IFT27: variants seen among roughly 807,000 people sequenced by gnomAD.
IFT27 encodes intraflagellar transport protein 27 homolog.
Under a neutral mutation model 23.9 loss-of-function variants are expected in IFT27, and 19 were observed. The observed-to-expected ratio is 0.79, with a 90% CI of 0.55 to 1.16. The LOEUF (loss-of-function observed/expected upper bound fraction) is 1.16, where lower values mean the gene tolerates loss of function less well. IFT27 is among the 50% of genes most tolerant of loss of function. The probability of loss-of-function intolerance (pLI) is 0.00; values close to 1 mark genes in which losing one functional copy is unlikely to be tolerated. For synonymous variants in IFT27, 91 were observed against 89.1 expected, an observed-to-expected ratio of 1.02 and a Z score of -0.12; for missense variants, 206 against 228.7, an observed-to-expected ratio of 0.90 and a Z score of 0.64.
Position 36,758,425 on chromosome 22 carries a change from A to G in IFT27, c.463-16T>C. 2 of 1,605,720 alleles carry G rather than the reference A, an allele frequency of 1.2e-6. No homozygotes were observed. The highest frequency in any genetic ancestry group is 1.7e-6 in the Non-Finnish European group (2 of 1,172,816). ...CCATCTCTTTCTGGAAAGACAGTTTAAAAAGTTGGCTGTGTTCTTTTAGAA... is the reference window on the plus strand; with the variant it reads ...CCATCTCTTTCTGGAAAGACAGTTTGAAAAGTTGGCTGTGTTCTTTTAGAA... On this transcript the variant is annotated splice_polypyrimidine_tract_variant and intron_variant, in intron 6 of 6. Transcript: ENST00000433985.
rs1353773462 is a variant in IFT27 at position 36,775,847 on chromosome 22, G to A, written c.-140C>T. 1.2e-5 allele frequency: 10 copies of A among 802,794 alleles called. No individual in the cohort carries two copies. In the Admixed American group the frequency reaches 2.0e-4, roughly 16 times the overall value. The allele number at this position is 802,794 out of a possible 1,614,324, so 49.7% of individuals were successfully genotyped here. A position where few individuals can be genotyped will look rare whatever the true frequency, so the allele number is the denominator to read the frequency against. On this transcript the variant is annotated 5_prime_UTR_variant, in exon 1 of 7. Transcript: ENST00000433985. ...GCTGATCTCAAGGGTCAGTGGCCGC[G>A]ACGGGACTGGGGATGACCGAGCCCG...
chr22:36,766,521 G>A (rs889906566), intron 3 of IFT27: 7 of 360,350 alleles, frequency 1.9e-5, no homozygotes, highest in East Asian at 5.3e-5. Flanking sequence ...TAAACAGGCC[G>A]GTGAGTGCTC....
rs536634957 is a variant in IFT27 at position 36,763,071 on chromosome 22, C to T, written c.353-58G>A. 165 of 1,294,176 alleles carry T rather than the reference C, an allele frequency of 1.3e-4. 1 individual carries two copies. The highest frequency in any genetic ancestry group is 1.2e-3 in the South Asian group (93 of 74,796). The allele number at this position is 1,294,176 out of a possible 1,614,324, so 80.2% of individuals were successfully genotyped here. On this transcript the variant is annotated intron_variant, in intron 5 of 6. Transcript: ENST00000433985. ...TCACTGTCACACTCTGGAAGGACAG[C>T]GGGCGAGATGAGAGCACTATTTTTG...
intron 6 of IFT27, chr22:36,762,183 A>T (rs1298679985): frequency 1.3e-5 from 2 of 152,304 alleles, no homozygotes; most frequent in East Asian, 3.9e-4. Flanking sequence ...ACATGGCTGC[A>T]TCTTGGCCTC....
At chr22:36,773,374 G>A (rs1389926234) in intron 1 of IFT27, among the ~76,000 whole-genome samples, 2 of 142,380 alleles carry the variant, frequency 1.4e-5, no homozygotes, top group Non-Finnish European at 3.0e-5. Context: ...AAAAAGGTCC[G>A]GGCACAGTGA....
intron 1 of IFT27, among the ~76,000 whole-genome samples, chr22:36,770,410 C>T (rs1938362461): frequency 6.6e-6 from 1 of 152,124 alleles, no homozygotes. Flanking sequence ...GGCCTGTCAT[C>T]GGCGGCGCTC....
Position 36,763,936 on chromosome 22 carries a change from G to A in IFT27, c.335C>T (p.Pro112Leu), listed in dbSNP as rs1473091058. The A allele has an allele frequency of 1.2e-6, 2 of 1,612,752 alleles. No homozygotes were observed. The highest frequency in any genetic ancestry group is 2.7e-5 in the African/African-American group (2 of 74,910). Residue 112 changes from proline (P) to leucine (L), a missense_variant, in exon 5 of 7, where the codon CCA becomes CTA. Coordinates refer to ENST00000433985, the MANE Select transcript of IFT27 (RefSeq NM_001177701.3). ...KWLEKARSQAPGISLPGVLVG... is the reference protein window; with the variant it reads ...KWLEKARSQALGISLPGVLVG... ...GCCCGTACCTGGGAGAGAGATGCCTGGAGCCTGTGACCGAGCCTTCTCCAG... is the reference window on the plus strand; with the variant it reads ...GCCCGTACCTGGGAGAGAGATGCCTAGAGCCTGTGACCGAGCCTTCTCCAG...
At chr22:36,770,052 C>T (rs773358423) in intron 1 of IFT27, among the ~76,000 whole-genome samples, 5 of 152,146 alleles carry the variant, frequency 3.3e-5, no homozygotes, top group African/African-American at 7.2e-5. Context: ...AGAAGCAAGG[C>T]GTCTGGGAAG....
At chr22:36,761,069 G>C (rs931731997) in intron 6 of IFT27, 3 of 155,540 alleles carry the variant, frequency 1.9e-5, no homozygotes, top group African/African-American at 7.2e-5. Context: ...ACTCAGGGGG[G>C]ACTAGTTAAC....
At chr22:36,764,293 C>T (rs1436322708) in intron 4 of IFT27, among the ~76,000 whole-genome samples, 1 of 152,268 alleles carries the variant, frequency 6.6e-6, no homozygotes, top group Non-Finnish European at 1.5e-5. Flanking sequence ...CTGGGCACTT[C>T]CGTGCCTCAC....
intron 1 of IFT27, among the ~76,000 whole-genome samples, chr22:36,773,123 G>A (rs942516462): frequency 1.3e-5 from 2 of 152,182 alleles, no homozygotes; most frequent in Non-Finnish European, 2.9e-5. Flanking sequence ...ACTTTGGGAG[G>A]CTGAGGCAGG....
intron 5 of IFT27, 108 bp from the exon 6 acceptor site, chr22:36,763,121 G>C: frequency 1.4e-6 from 1 of 691,274 alleles, no homozygotes; most frequent in Non-Finnish European, 2.3e-6. Flanking sequence ...TCCTCTGAGA[G>C]CTGCCTGACT....
At chr22:36,766,832 A>G (rs771574659) in intron 3 of IFT27, among the ~76,000 whole-genome samples, 1 of 151,736 alleles carries the variant, frequency 6.6e-6, no homozygotes, top group Non-Finnish European at 1.5e-5. Flanking sequence ...CTGGCCTCTG[A>G]TCCCTGGCAT....
At position 36,767,769 on chromosome 22, in the gene IFT27, A is replaced by G. The variant is rs1436871981; in HGVS notation, c.114+14T>C. 1 of 1,610,772 alleles carries G rather than the reference A, an allele frequency of 6.2e-7. No homozygotes were observed. The highest frequency in any genetic ancestry group is 1.1e-5 in the South Asian group (1 of 90,998). On this transcript the variant is annotated intron_variant, in intron 2 of 6. Coordinates refer to ENST00000433985, the MANE Select transcript of IFT27 (RefSeq NM_001177701.3). Reference sequence around the variant, plus strand: ...CTCTATAAGCTGTGGCCAGGTCTTGACACCCCAGCTCACCAGGGTGTAGCT... The same window carrying G: ...CTCTATAAGCTGTGGCCAGGTCTTGGCACCCCAGCTCACCAGGGTGTAGCT...
At chr22:36,766,508 T>C (rs1265872775) in intron 3 of IFT27, 1 of 403,450 alleles carries the variant, frequency 2.5e-6, no homozygotes, top group Non-Finnish European at 4.6e-6. Context: ...CAGAACAGAA[T>C]GCTAAACAGG....
intron 1 of IFT27, 46 bp from the exon 2 acceptor site, chr22:36,767,908 G>A (rs1179389095): frequency 3.4e-6 from 5 of 1,490,160 alleles, no homozygotes; most frequent in Non-Finnish European, 4.7e-6. Context: ...GTTCTCATCT[G>A]ACTTGAGAAT....
At chr22:36,774,155 G>A (rs1181919335) in intron 1 of IFT27, among the ~76,000 whole-genome samples, 27 of 152,172 alleles carry the variant, frequency 1.8e-4, no homozygotes, top group Admixed American at 1.8e-3. Flanking sequence ...CTGGAAACTG[G>A]AGATTCTCCT....
At chr22:36,768,371 G>A in intron 1 of IFT27, 1 of 308,564 alleles carries the variant, frequency 3.2e-6, no homozygotes, top group Admixed American at 4.5e-5. Flanking sequence ...GAAGCAAGAA[G>A]TCTGAGGCTG....
intron 1 of IFT27, among the ~76,000 whole-genome samples, chr22:36,770,534 A>G (rs1433547229): frequency 6.6e-6 from 1 of 152,198 alleles, no homozygotes; most frequent in Non-Finnish European, 1.5e-5. Context: ...ACTAGAATGA[A>G]GGACCTTCCT....
Sources: allele counts gnomAD v4.1 joint callset (sites outside exome capture counted in the v4.1 genomes callset), GRCh38; gene constraint gnomAD v4.1.1; transcripts MANE v1.5; gene names NCBI Gene and HGNC (gene_info 2026-07-23, HGNC 2026-07-21).